Variants in EIF2AK3 observed in about 807,000 individuals in gnomAD.
The protein encoded by EIF2AK3 is eukaryotic translation initiation factor 2-alpha kinase 3.
Under a neutral mutation model 113.5 loss-of-function variants are expected in EIF2AK3, and 50 were observed. That is an observed-to-expected ratio of 0.44 (90% CI 0.35 to 0.56). EIF2AK3 has a LOEUF of 0.56. Ranked by LOEUF, EIF2AK3 falls within the 20% of genes least tolerant of loss-of-function variation. The pLI is 0.00. For missense variants in EIF2AK3, 1,185 were observed against 1,378.0 expected, an observed-to-expected ratio of 0.86 and a Z score of 2.22; for synonymous variants, 448 against 495.4, an observed-to-expected ratio of 0.90 and a Z score of 1.27.
At chr2:88,564,407 C>A (rs1377378366) in intron 14 of EIF2AK3, among the ~76,000 whole-genome samples, 1 of 152,154 alleles carries the variant, frequency 6.6e-6, no homozygotes, top group African/African-American at 2.4e-5. Context: ...TTAAGACTGT[C>A]CATTTTTAAC....
chr2:88,601,130 T>A (rs1675138657), intron 2 of EIF2AK3, among the ~76,000 whole-genome samples: 1 of 152,240 alleles, frequency 6.6e-6, no homozygotes, highest in Non-Finnish European at 1.5e-5. Flanking sequence ...TACTTTATGA[T>A]GAGGAATTCC....
At chr2:88,562,975 C>T (rs1001567307) in intron 14 of EIF2AK3, among the ~76,000 whole-genome samples, 3 of 152,188 alleles carry the variant, frequency 2.0e-5, no homozygotes, top group African/African-American at 7.2e-5. Flanking sequence ...TCGTCCAGCA[C>T]TGGGGCTAAG....
At chr2:88,562,906 T>G (rs1674003889) in intron 14 of EIF2AK3, among the ~76,000 whole-genome samples, 1 of 152,248 alleles carries the variant, frequency 6.6e-6, no homozygotes, top group Non-Finnish European at 1.5e-5. Flanking sequence ...ATATTTCTTA[T>G]TCTTCACAAC....
chr2:88,587,075 T>C (rs1205645655), intron 8 of EIF2AK3, among the ~76,000 whole-genome samples: 2 of 150,944 alleles, frequency 1.3e-5, no homozygotes, highest in Admixed American at 1.3e-4. Flanking sequence ...CGTGGTGGCG[T>C]GCATCTGTAG....
chr2:88,625,284 TACACACACACACACACACACACACACAC>T (rs375827301), intron 1 of EIF2AK3, among the ~76,000 whole-genome samples: 1 of 135,148 alleles, frequency 7.4e-6, no homozygotes, highest in Admixed American at 7.4e-5. Context: ...ATCGCTTACG[TACACACACACACACACACACACACACAC>T]ACACACACAC....
At chr2:88,570,829 G>A (rs1674285893) in intron 14 of EIF2AK3, 45 bp downstream of exon 14, 13 of 1,605,710 alleles carry the variant, frequency 8.1e-6, no homozygotes, top group Non-Finnish European at 1.1e-5. Context: ...GATTCATCAG[G>A]TACATCTGCT....
At chr2:88,588,343 G>A (rs1027465861) in intron 7 of EIF2AK3, among the ~76,000 whole-genome samples, 1 of 152,094 alleles carries the variant, frequency 6.6e-6, no homozygotes, top group South Asian at 2.1e-4. Flanking sequence ...TAAAAAACAC[G>A]TACAAGGTTT....
intron 2 of EIF2AK3, among the ~76,000 whole-genome samples, chr2:88,610,655 T>G (rs959776113): frequency 6.6e-6 from 1 of 152,246 alleles, no homozygotes; most frequent in African/African-American, 2.4e-5. Context: ...ATGCTACTTT[T>G]CTCATTAAAT....
At chr2:88,601,756 CCTA>C (rs1183400146) in intron 2 of EIF2AK3, among the ~76,000 whole-genome samples, 1 of 151,656 alleles carries the variant, frequency 6.6e-6, no homozygotes, top group Non-Finnish European at 1.5e-5. Flanking sequence ...TGCTTGATGG[CCTA>C]CTATTTCAAT....
At chr2:88,559,228 A>C (rs967025112) in intron 15 of EIF2AK3, among the ~76,000 whole-genome samples, 13 of 152,210 alleles carry the variant, frequency 8.5e-5, no homozygotes, top group African/African-American at 2.4e-4. Context: ...AACCAACCAC[A>C]GAATGAAAAT....
chr2:88,589,051 C>T (rs1674814990), intron 6 of EIF2AK3, 150 bp from the exon 7 acceptor site: 1 of 940,558 alleles, frequency 1.1e-6, no homozygotes, highest in East Asian at 2.7e-5. Flanking sequence ...CAAAGATAAA[C>T]TCAATGTTTA....
chr2:88,599,225 T>C (rs1347277712), intron 2 of EIF2AK3, among the ~76,000 whole-genome samples: 8 of 152,122 alleles, frequency 5.3e-5, no homozygotes, highest in African/African-American at 1.9e-4. Flanking sequence ...GAAAAAACAT[T>C]TGATTTTCAG....
chr2:88,564,779 G>T (rs930317290), intron 14 of EIF2AK3, among the ~76,000 whole-genome samples: 2 of 152,016 alleles, frequency 1.3e-5, no homozygotes, highest in Non-Finnish European at 2.9e-5. Context: ...ATTTCACAGG[G>T]AAAGAAAAAA....
In EIF2AK3 at chr2:88,593,347, T is replaced by TG; in HGVS notation, c.691dup (p.Gln231ProfsTer16). The stretch of plus-strand genomic sequence containing the variant: ...CTGTAGAAGCAGGATGTCTTCCTCT[T>TG]GTTCCATTTCGTCACTATCCCATTG... On this transcript the variant is annotated frameshift_variant, in exon 4 of 17. Coordinates refer to ENST00000303236, the MANE Select transcript of EIF2AK3 (RefSeq NM_004836.7). LOFTEE classifies it high-confidence loss of function. 6.2e-7 allele frequency: 1 copy of TG among 1,614,130 alleles called. No homozygotes were observed.
chr2:88,615,795 TTATATAC>T (rs1675551799), intron 1 of EIF2AK3, among the ~76,000 whole-genome samples: 1 of 152,208 alleles, frequency 6.6e-6, no homozygotes, highest in African/African-American at 2.4e-5. Context: ...GAAAGAGTTG[TTATATAC>T]TGTCTCCTAA....
chr2:88,577,830 C>T (rs1032423183), intron 11 of EIF2AK3, among the ~76,000 whole-genome samples: 12 of 152,210 alleles, frequency 7.9e-5, no homozygotes, highest in African/African-American at 2.7e-4. Flanking sequence ...CCCTCCCCAC[C>T]TGTCTCCTAC....
Position 88,575,220 on chromosome 2 carries a change from C to T in EIF2AK3, c.2263G>A (p.Val755Met). The T allele has an allele frequency of 6.2e-7, 1 of 1,612,810 alleles. No individual in the cohort carries two copies. The highest frequency in any genetic ancestry group is 8.5e-7 in the Non-Finnish European group (1 of 1,179,094). ...TCCTGGAGGTTGTATGCTGCATCCA[C>T]TGACTCACTGATGTCCTCATGGTCC... ...GMDHEDISES[V>M]DAAYNLQDSC... is the part of the protein sequence containing the mutation. The change falls in exon 13 of 17, where the codon GTG becomes ATG. Residue 755 changes from valine (V) to methionine (M), a missense_variant. Physicochemically the swap from Val to Met is conservative, Grantham distance 21. Coordinates refer to ENST00000303236, the MANE Select transcript of EIF2AK3 (RefSeq NM_004836.7).
intron 2 of EIF2AK3, 29 bp downstream of exon 2, chr2:88,613,695 C>A: frequency 6.2e-7 from 1 of 1,613,662 alleles, no homozygotes. Flanking sequence ...ATTAAGTTTT[C>A]TAGTCAACAG....
intron 1 of EIF2AK3, chr2:88,624,682 C>T (rs2103987608): frequency 6.6e-6 from 1 of 152,572 alleles, no homozygotes; most frequent in South Asian, 2.1e-4. Context: ...TTTCCACCCG[C>T]CTACCTCCCT....
Sources: allele counts gnomAD v4.1 joint callset (sites outside exome capture counted in the v4.1 genomes callset), GRCh38; gene constraint gnomAD v4.1.1; transcripts MANE v1.5; gene names NCBI Gene and HGNC (gene_info 2026-07-23, HGNC 2026-07-21).